CSMD1: variants seen among roughly 807,000 people sequenced by gnomAD.
CSMD1 encodes the protein CUB and sushi domain-containing protein 1.
A neutral mutation model predicts 417.5 loss-of-function variants in CSMD1; 213 were observed. That is an observed-to-expected ratio of 0.51 (90% CI 0.46 to 0.57). The LOEUF (loss-of-function observed/expected upper bound fraction) is 0.57. Ranked by LOEUF, CSMD1 falls within the 20% of genes least tolerant of loss-of-function variation. The probability of loss-of-function intolerance (pLI) is 0.00; values close to 1 mark genes in which losing one functional copy is unlikely to be tolerated. For synonymous variants in CSMD1, 2,862 were observed against 1,736.8 expected (o/e 1.65, Z -16.11); for missense variants, 6,923 against 4,529.7 (o/e 1.53, Z -15.17).
chr8:3,386,472 C>A (rs1042059725), intron 18 of CSMD1, among the ~76,000 whole-genome samples: 6 of 152,178 alleles, frequency 3.9e-5, no homozygotes, highest in African/African-American at 9.7e-5. Context: ...GGCCACAGTG[C>A]CAGTTACTGT....
rs536175424 is a variant in CSMD1, at chr8:4,178,280, G to A, written c.416-146181C>T. On this transcript the variant is annotated intron_variant, in intron 3 of 69. Coordinates refer to ENST00000635120, the MANE Select transcript of CSMD1 (RefSeq NM_033225.6). Reference sequence around the variant, plus strand: ...GGGATGCAAGGCTGGTTCAATATACGCAAATCAATAAATGTAATCCAGCAT... The same window carrying A: ...GGGATGCAAGGCTGGTTCAATATACACAAATCAATAAATGTAATCCAGCAT... 1.0e-3 allele frequency among the ~76,000 whole-genome samples: 155 copies of A among 151,738 alleles called. 3 individuals are homozygous for A. The East Asian group carries it at 0.025, about 24-fold the overall frequency.
intron 5 of CSMD1, among the ~76,000 whole-genome samples, chr8:3,760,361 G>A (rs1291965182): frequency 6.6e-6 from 1 of 152,130 alleles, no homozygotes; most frequent in Non-Finnish European, 1.5e-5. Context: ...CTTCTGCTAA[G>A]AGTTAAAATA....
At chr8:4,223,658 T>C (rs556022211) in intron 3 of CSMD1, among the ~76,000 whole-genome samples, 4 of 152,358 alleles carry the variant, frequency 2.6e-5, no homozygotes, top group Admixed American at 2.6e-4. Flanking sequence ...AACCCCAGTC[T>C]GTCTGTGCTC....
At chr8:4,467,894 G>A (rs901359404) in intron 2 of CSMD1, among the ~76,000 whole-genome samples, 2 of 152,170 alleles carry the variant, frequency 1.3e-5, no homozygotes, top group Non-Finnish European at 2.9e-5. Context: ...CTAGTGGGTT[G>A]AACACTGGTT....
intron 10 of CSMD1, among the ~76,000 whole-genome samples, chr8:3,547,136 G>A (rs1290893551): frequency 6.6e-6 from 1 of 152,140 alleles, no homozygotes; most frequent in Non-Finnish European, 1.5e-5. Flanking sequence ...ATTCACACAG[G>A]CTCCTGGACA....
At position 3,306,431 on chromosome 8, in the gene CSMD1, C is replaced by G. The variant is rs147443826; in HGVS notation, c.3950+1264G>C. 7.5e-3 allele frequency among the ~76,000 whole-genome samples: 1,135 copies of G among 152,210 alleles called. 12 individuals are homozygous for G. The highest frequency in any genetic ancestry group is 0.012 in the Admixed American group (189 of 15,290). ...TTAAGTGATCCACCCACCTCGGCCT[C>G]CCAAAGTGTTAGGCATGAGCCACTG... On this transcript the variant is annotated intron_variant, in intron 25 of 69. Coordinates refer to ENST00000635120, the MANE Select transcript of CSMD1 (RefSeq NM_033225.6).
chr8:4,913,001 A>G (rs955788016), intron 1 of CSMD1, among the ~76,000 whole-genome samples: 4 of 152,058 alleles, frequency 2.6e-5, no homozygotes, highest in Non-Finnish European at 5.9e-5. Flanking sequence ...GTTGGCCAGG[A>G]TAGTCTCGAA....
chr8:3,437,188 G>C (rs1165131242), intron 12 of CSMD1, among the ~76,000 whole-genome samples: 1 of 152,206 alleles, frequency 6.6e-6, no homozygotes, highest in Admixed American at 6.5e-5. Flanking sequence ...CTGTTCAAGG[G>C]GAAAACTCAT....
intron 3 of CSMD1, among the ~76,000 whole-genome samples, chr8:4,307,203 G>A (rs761809590): frequency 1.3e-5 from 2 of 151,942 alleles, no homozygotes; most frequent in East Asian, 1.9e-4. Context: ...CCCCTTCTAC[G>A]GCTCATTATT....
At chr8:3,461,339 C>A (rs1459818774) in intron 12 of CSMD1, among the ~76,000 whole-genome samples, 1 of 152,152 alleles carries the variant, frequency 6.6e-6, no homozygotes, top group Admixed American at 6.5e-5. Flanking sequence ...GAGGAGCCAG[C>A]TTGGAGAGTA....
At chr8:3,428,431 G>C (rs566257169) in intron 12 of CSMD1, among the ~76,000 whole-genome samples, 1 of 152,204 alleles carries the variant, frequency 6.6e-6, no homozygotes, top group East Asian at 1.9e-4. Flanking sequence ...AAACGAAACT[G>C]TCAAGAATAT....
chr8:4,817,181 T>TGTGTATA (rs1163678637), intron 1 of CSMD1, among the ~76,000 whole-genome samples: 14 of 152,318 alleles, frequency 9.2e-5, no homozygotes, highest in African/African-American at 3.4e-4. Flanking sequence ...ACTATACTCA[T>TGTGTATA]GTATAAATAT....
At chr8:3,617,388 C>T (rs1418119312) in intron 7 of CSMD1, among the ~76,000 whole-genome samples, 1 of 152,168 alleles carries the variant, frequency 6.6e-6, no homozygotes, top group Non-Finnish European at 1.5e-5. Flanking sequence ...CTAAAGAACT[C>T]ATTTGTTTAT....
chr8:4,442,592 C>T (rs889381250), intron 2 of CSMD1, among the ~76,000 whole-genome samples: 1 of 152,236 alleles, frequency 6.6e-6, no homozygotes, highest in Middle Eastern at 3.4e-3. Flanking sequence ...TAGCTCTTCC[C>T]CAAATTGGCT....
chr8:4,884,200 A>G (rs1379528112), intron 1 of CSMD1, among the ~76,000 whole-genome samples: 1 of 151,618 alleles, frequency 6.6e-6, no homozygotes, highest in Non-Finnish European at 1.5e-5. Context: ...AGCTGTAAGA[A>G]CTTCGTGTGT....
In CSMD1 at chr8:3,815,594, T is replaced by C. The variant is rs907926350; in HGVS notation, c.819-61552A>G. Among the ~76,000 whole-genome samples the C allele has an allele frequency of 2.0e-5, 3 of 150,932 alleles. No homozygotes were observed. In the Admixed American group the frequency reaches 2.0e-4, roughly 10 times the overall value. On this transcript the variant is annotated intron_variant, in intron 5 of 69. Coordinates refer to ENST00000635120, the MANE Select transcript of CSMD1 (RefSeq NM_033225.6). ...CTTTGAAATTACATAAAAATTAATA[T>C]GACTTAAAAATGTCTATCACTGCTA...
intron 1 of CSMD1, among the ~76,000 whole-genome samples, chr8:4,950,164 A>G (rs1006640448): frequency 4.6e-5 from 7 of 152,190 alleles, no homozygotes; most frequent in African/African-American, 1.7e-4. Context: ...ACACTTTTGT[A>G]TATGATTGTG....
In CSMD1 at chr8:4,032,617, T is replaced by C. The variant is rs76657552; in HGVS notation, c.416-518A>G. 3.9e-3 allele frequency among the ~76,000 whole-genome samples: 589 copies of C among 152,292 alleles called. 3 individuals are homozygous for C. The highest frequency in any genetic ancestry group is 0.014 in the African/African-American group (566 of 41,564). The stretch of plus-strand genomic sequence containing the variant: ...TTGATGGATAAGCAATTGAATTAAA[T>C]AATAAATTAGAAATCTCATGCATTG... On this transcript the variant is annotated intron_variant, in intron 3 of 69. Coordinates refer to ENST00000635120, the MANE Select transcript of CSMD1 (RefSeq NM_033225.6).
intron 1 of CSMD1, among the ~76,000 whole-genome samples, chr8:4,945,643 T>C (rs987374085): frequency 1.3e-5 from 2 of 152,166 alleles, no homozygotes; most frequent in Admixed American, 6.5e-5. Flanking sequence ...AGTTTGAATA[T>C]TTGAATTAGT....
Sources: gnomAD v4.1 joint callset for allele counts (sites outside exome capture counted in the v4.1 genomes callset) on GRCh38, gnomAD v4.1.1 for gene constraint, MANE v1.5 for transcripts, NCBI Gene and HGNC (gene_info 2026-07-23, HGNC 2026-07-21) for gene names.